The following PCDHA5 variants were observed in gnomAD, a reference collection of about 807,000 sequenced individuals.
The protein encoded by PCDHA5 is protocadherin alpha-5.
A neutral mutation model predicts 61.6 loss-of-function variants in PCDHA5; 43 were observed. That is an observed-to-expected ratio of 0.70 (90% confidence interval 0.55 to 0.90). PCDHA5 has a LOEUF of 0.90. Ranked by LOEUF, PCDHA5 falls within the 40% of genes least tolerant of loss-of-function variation. PCDHA5 has a pLI of 0.00. For missense variants in PCDHA5, 1,298 were observed against 1,222.7 expected (o/e 1.06, Z -0.92); for synonymous variants, 627 against 543.9 (o/e 1.15, Z -2.13).
rs2150336386 is a variant in PCDHA5 at position 140,842,455 on chromosome 5, T to C, written c.2352+18328T>C. Reference sequence around the variant, plus strand: ...CCCTAATTAGCGTGAACGACCTCGATTCAGGTGCCAACGGGCAGGTGACCT... The same window carrying C: ...CCCTAATTAGCGTGAACGACCTCGACTCAGGTGCCAACGGGCAGGTGACCT... On this transcript the variant is annotated intron_variant, in intron 1 of 3. Coordinates refer to ENST00000529859, the MANE Select transcript of PCDHA5 (RefSeq NM_018908.3). The C allele has an allele frequency of 1.2e-6, 2 of 1,613,862 alleles. 1 individual carries two copies. Among genetic ancestry groups the C allele is most frequent in the East Asian group, 4.5e-5 (2 of 44,876 alleles).
At chr5:140,870,930 A>C (rs373236202) in intron 1 of PCDHA5, 10 of 1,613,732 alleles carry the variant, frequency 6.2e-6, no homozygotes, top group Non-Finnish European at 8.5e-6. Flanking sequence ...TTTCATATGA[A>C]TTGCAGCCGG....
chr5:140,850,193 G>C (rs2150472370), intron 1 of PCDHA5: 2 of 1,593,662 alleles, frequency 1.3e-6, no homozygotes. Flanking sequence ...CGGCGCTGCT[G>C]ACACCTCGGA....
chr5:140,970,847 C>A (rs2096437224), intron 1 of PCDHA5, among the ~76,000 whole-genome samples: 1 of 149,802 alleles, frequency 6.7e-6, no homozygotes, highest in Non-Finnish European at 1.5e-5. Context: ...TGCACAGGCA[C>A]AAAAGTTCCA....
chr5:140,910,411 A>C (rs1554194248), intron 1 of PCDHA5, among the ~76,000 whole-genome samples: 2 of 152,062 alleles, frequency 1.3e-5, no homozygotes, highest in African/African-American at 4.8e-5. Flanking sequence ...CCACCTCGAG[A>C]TCCAATTATT....
chr5:140,927,131 C>T (rs782433395), intron 1 of PCDHA5: 1 of 1,614,078 alleles, frequency 6.2e-7, no homozygotes, highest in Non-Finnish European at 8.5e-7. Context: ...GTCAGAGAGC[C>T]GGCGGACCGC....
rs3806841 is a variant in PCDHA5, at chr5:140,855,953, T to C, written c.2352+31826T>C. On this transcript the variant is annotated intron_variant, in intron 1 of 3. Transcript: ENST00000529859. Reference sequence around the variant, plus strand: ...CATTCTGAGATCTCAGCCATTTCGATAAAAAATAGATATAAGAAATAGGAC... The same window carrying C: ...CATTCTGAGATCTCAGCCATTTCGACAAAAAATAGATATAAGAAATAGGAC... 9.7e-5 allele frequency: 134 copies of C among 1,381,096 alleles called. 3 individuals are homozygous for C. In the East Asian group the frequency reaches 3.0e-3, roughly 31 times the overall value. 85.6% of individuals were successfully genotyped at this position (1,381,096 alleles called of 1,614,324 possible).
intron 1 of PCDHA5, chr5:140,853,754 A>G: frequency 1.0e-6 from 1 of 988,728 alleles, no homozygotes; most frequent in Non-Finnish European, 1.2e-6. Context: ...TCAAGGCTCC[A>G]CCTCAGAAAT....
At chr5:140,985,851 TG>T (rs1269261138) in intron 3 of PCDHA5, among the ~76,000 whole-genome samples, 1 of 149,322 alleles carries the variant, frequency 6.7e-6, no homozygotes, top group Non-Finnish European at 1.5e-5. Flanking sequence ...GCCACTCTCC[TG>T]CCTCAGCCTC....
chr5:140,943,737 C>T (rs551964655), intron 1 of PCDHA5, among the ~76,000 whole-genome samples: 12 of 152,258 alleles, frequency 7.9e-5, no homozygotes, highest in African/African-American at 2.9e-4. Context: ...TGAAAGTCCA[C>T]AGTCTAAAAG....
chr5:140,937,599 A>T (rs2091614434), intron 1 of PCDHA5, among the ~76,000 whole-genome samples: 3 of 151,728 alleles, frequency 2.0e-5, no homozygotes, highest in African/African-American at 7.3e-5. Context: ...CCTGGGCAAC[A>T]GAGTGATACT....
At chr5:140,862,596 G>A (rs543851067) in intron 1 of PCDHA5, 2 of 510,824 alleles carry the variant, frequency 3.9e-6, no homozygotes, top group East Asian at 1.0e-4. Flanking sequence ...CCGAGTACAT[G>A]GTGTTCGTGA....
chr5:140,948,017 T>TTTTCC (rs1351599974), intron 1 of PCDHA5, among the ~76,000 whole-genome samples: 1 of 151,262 alleles, frequency 6.6e-6, no homozygotes, highest in African/African-American at 2.4e-5. Flanking sequence ...GGAAGTACCC[T>TTTTCC]TTCTGGTTTG....
intron 1 of PCDHA5, among the ~76,000 whole-genome samples, chr5:140,975,074 G>C (rs2096653166): frequency 1.3e-5 from 2 of 152,152 alleles, no homozygotes; most frequent in South Asian, 4.1e-4. Flanking sequence ...CATTCAGATT[G>C]TTGGCAGAAT....
chr5:140,954,920 G>A (rs1295412224), intron 1 of PCDHA5, among the ~76,000 whole-genome samples: 2 of 152,076 alleles, frequency 1.3e-5, no homozygotes, highest in East Asian at 3.9e-4. Context: ...TATGAATTAC[G>A]TCTTTAATTA....
At chr5:140,920,131 T>G (rs1207723509) in intron 1 of PCDHA5, among the ~76,000 whole-genome samples, 1 of 152,202 alleles carries the variant, frequency 6.6e-6, no homozygotes, top group Non-Finnish European at 1.5e-5. Context: ...TGAGTTTTAA[T>G]TCTCCTCTCC....
At chr5:140,921,500 A>G (rs2080246724) in intron 1 of PCDHA5, among the ~76,000 whole-genome samples, 1 of 152,210 alleles carries the variant, frequency 6.6e-6, no homozygotes, top group Admixed American at 6.5e-5. Context: ...AGTTTATTAG[A>G]TAGTGCCTAA....
At chr5:140,882,855 T>C in intron 1 of PCDHA5, 1 of 1,614,230 alleles carries the variant, frequency 6.2e-7, no homozygotes, top group Non-Finnish European at 8.5e-7. Context: ...TCACTTGTAC[T>C]GAGGAAAACA....
intron 1 of PCDHA5, among the ~76,000 whole-genome samples, chr5:140,926,202 G>T (rs1194252332): frequency 6.6e-6 from 1 of 151,658 alleles, no homozygotes; most frequent in East Asian, 1.9e-4. Flanking sequence ...TTCTTTCGGG[G>T]GGCTCCTGTT....
rs149837711 is a variant in PCDHA5 at position 140,940,786 on chromosome 5, G to A, written c.2353-38163G>A. Reference sequence around the variant, plus strand: ...TTTGACTTTTGATGGTCCATATCCTGAAAATGATATTTGCCAGGATATCCT... The same window carrying A: ...TTTGACTTTTGATGGTCCATATCCTAAAAATGATATTTGCCAGGATATCCT... On this transcript the variant is annotated intron_variant, in intron 1 of 3. Coordinates refer to ENST00000529859, the MANE Select transcript of PCDHA5 (RefSeq NM_018908.3). 1.1e-4 allele frequency among the ~76,000 whole-genome samples: 17 copies of A among 152,224 alleles called. 1 individual carries two copies. The East Asian group carries it at 2.9e-3, about 26-fold the overall frequency.
Sources: allele counts gnomAD v4.1 joint callset (sites outside exome capture counted in the v4.1 genomes callset), GRCh38; gene constraint gnomAD v4.1.1; transcripts MANE v1.5; gene names NCBI Gene and HGNC (gene_info 2026-07-23, HGNC 2026-07-21).